Variants in WWOX observed in about 807,000 individuals in gnomAD.
The protein encoded by WWOX is WW domain containing oxidoreductase.
In WWOX, 69 loss-of-function variants were observed where a neutral mutation model predicts 46.2. The ratio of observed to expected loss-of-function variants is 1.49; its 90% CI spans 1.23 to 1.82. WWOX has a LOEUF of 1.82. Ranked by LOEUF, WWOX falls within the 40% of genes most tolerant of loss-of-function variation. The pLI, the probability that WWOX is intolerant of heterozygous loss-of-function variation, is 0.00. For missense variants in WWOX, 919 were observed against 542.6 expected (o/e 1.69, Z -6.89); for synonymous variants, 359 against 202.6 (o/e 1.77, Z -6.56).
At chr16:78,961,257 G>C (rs2046265452) in intron 8 of WWOX, among the ~76,000 whole-genome samples, 1 of 152,178 alleles carries the variant, frequency 6.6e-6, no homozygotes, top group Non-Finnish European at 1.5e-5. Flanking sequence ...TTACTGTAAG[G>C]TTTTTAAAAC....
chr16:79,084,056 A>T (rs951568973), intron 8 of WWOX, among the ~76,000 whole-genome samples: 1 of 152,182 alleles, frequency 6.6e-6, no homozygotes, highest in Admixed American at 6.5e-5. Flanking sequence ...GAACCAGACC[A>T]TCGTGAACTT....
intron 8 of WWOX, among the ~76,000 whole-genome samples, chr16:78,775,996 T>C (rs2050181657): frequency 6.6e-6 from 1 of 152,222 alleles, no homozygotes; most frequent in South Asian, 2.1e-4. Flanking sequence ...CTCATTTATT[T>C]ATTTTTCTCT....
At chr16:78,826,545 C>G (rs1004696675) in intron 8 of WWOX, among the ~76,000 whole-genome samples, 1 of 152,198 alleles carries the variant, frequency 6.6e-6, no homozygotes, top group Non-Finnish European at 1.5e-5. Flanking sequence ...GCCTTCTCCT[C>G]TTCTCCTGTG....
intron 3 of WWOX, among the ~76,000 whole-genome samples, chr16:78,111,002 AG>A (rs1237013430): frequency 1.3e-5 from 2 of 151,704 alleles, no homozygotes; most frequent in African/African-American, 4.9e-5. Context: ...TGATTTGAGC[AG>A]GAATTTTTTT....
chr16:78,753,189 A>C (rs1239044134), intron 8 of WWOX, among the ~76,000 whole-genome samples: 3 of 151,866 alleles, frequency 2.0e-5, no homozygotes, highest in Non-Finnish European at 4.4e-5. Context: ...AATCCCAGCT[A>C]CTCTGGAGGC....
intron 8 of WWOX, among the ~76,000 whole-genome samples, chr16:78,704,680 A>G (rs376772204): frequency 1.3e-4 from 20 of 152,300 alleles, no homozygotes; most frequent in Admixed American, 4.6e-4. Flanking sequence ...TGATTATGAC[A>G]TGTTAAAACT....
intron 5 of WWOX, among the ~76,000 whole-genome samples, chr16:78,174,601 A>T (rs1368754594): frequency 6.6e-6 from 1 of 152,214 alleles, no homozygotes; most frequent in African/African-American, 2.4e-5. Context: ...CATCAGCTGT[A>T]AAGTCTATGT....
chr16:78,855,969 G>A (rs933060288), intron 8 of WWOX, among the ~76,000 whole-genome samples: 20 of 152,210 alleles, frequency 1.3e-4, no homozygotes, highest in Admixed American at 4.6e-4. Context: ...GGAAAAAGTC[G>A]GTGCACGCAC....
intron 8 of WWOX, among the ~76,000 whole-genome samples, chr16:78,556,347 C>G (rs998368840): frequency 5.9e-5 from 9 of 151,798 alleles, no homozygotes; most frequent in Admixed American, 2.0e-4. Context: ...CTGTCAGGAT[C>G]TGGTTCAAGG....
chr16:78,271,239 C>T (rs561300759), intron 5 of WWOX, among the ~76,000 whole-genome samples: 1 of 152,138 alleles, frequency 6.6e-6, no homozygotes, highest in Non-Finnish European at 1.5e-5. Context: ...TTTTCGTCCA[C>T]CTGAGTTTCA....
rs560569676 is a variant in WWOX, at chr16:78,746,356, G to C, written c.1056+313604G>C. Among the ~76,000 whole-genome samples the C allele has an allele frequency of 3.3e-5, 5 of 152,110 alleles. No homozygotes were observed. The South Asian group carries it at 1.0e-3, about 32-fold the overall frequency. On this transcript the variant is annotated intron_variant, in intron 8 of 8. Coordinates refer to ENST00000566780, the MANE Select transcript of WWOX (RefSeq NM_016373.4). The stretch of plus-strand genomic sequence containing the variant: ...GTACAAAAAATTTAAAAATTAGCTG[G>C]GAATGATGGTGCATGCCTGTAGTCT...
chr16:79,091,443 T>C (rs2150601894), intron 8 of WWOX, among the ~76,000 whole-genome samples: 2 of 152,302 alleles, frequency 1.3e-5, no homozygotes, highest in East Asian at 3.9e-4. Flanking sequence ...CCCCACTGGG[T>C]GTTCATTCTA....
intron 8 of WWOX, among the ~76,000 whole-genome samples, chr16:78,705,154 A>G (rs980182717): frequency 2.6e-5 from 4 of 152,174 alleles, no homozygotes; most frequent in Non-Finnish European, 5.9e-5. Context: ...CTTTGATATT[A>G]AAAAGCCAAC....
At chr16:78,335,338 T>C (rs2080864070) in intron 5 of WWOX, among the ~76,000 whole-genome samples, 1 of 152,196 alleles carries the variant, frequency 6.6e-6, no homozygotes, top group Admixed American at 6.5e-5. Context: ...CCATGTGTTC[T>C]CATCATGCAG....
At position 78,941,948 on chromosome 16, in the gene WWOX, G is replaced by A. The variant is rs142735147; in HGVS notation, c.1057-269660G>A. On this transcript the variant is annotated intron_variant, in intron 8 of 8. Transcript: ENST00000566780. ...TATTTTTTACTGTAAACATTGTGCT[G>A]TATTCCGTAGGAAAATGTAGATGAA... is the stretch of plus-strand genomic sequence containing the variant. Among the ~76,000 whole-genome samples the A allele has an allele frequency of 2.0e-5, 3 of 152,210 alleles. No individual in the cohort carries two copies. In the East Asian group the frequency reaches 5.8e-4, roughly 29 times the overall value.
At chr16:78,166,586 G>C (rs1037570751) in intron 5 of WWOX, 1 of 148,804 alleles carries the variant, frequency 6.7e-6, no homozygotes, top group Non-Finnish European at 1.5e-5. Flanking sequence ...TTGAGACTGA[G>C]TTTCACTCTG....
intron 8 of WWOX, chr16:78,780,286 C>T (rs1333152518): frequency 6.6e-6 from 1 of 152,164 alleles, no homozygotes. Context: ...CTTGTCTTCC[C>T]CGACTCAAGA....
At chr16:78,972,325 A>C (rs753966282) in intron 8 of WWOX, among the ~76,000 whole-genome samples, 1 of 152,208 alleles carries the variant, frequency 6.6e-6, no homozygotes, top group Non-Finnish European at 1.5e-5. Context: ...GAAAGGATCC[A>C]GGAGGGCTTT....
rs1190753384 is a variant in WWOX at position 79,211,646 on chromosome 16, C to T, written c.1095C>T (p.Val365=). 3.1e-6 allele frequency: 5 copies of T among 1,614,210 alleles called. No homozygotes were observed. Among genetic ancestry groups the T allele is most frequent in the Admixed American group, 3.3e-5 (2 of 60,032 alleles). ...CCACCACCGTGTACTGTGCTGCTGTCCCAGAACTGGAGGGTCTGGGAGGGA... is the reference window on the plus strand; with the variant it reads ...CCACCACCGTGTACTGTGCTGCTGTTCCAGAACTGGAGGGTCTGGGAGGGA... ...GAATTVYCAA[V]PELEGLGGMY... The change falls in exon 9 of 9, where the codon GTC becomes GTT. Residue 365 remains valine (V), a synonymous_variant. Coordinates refer to ENST00000566780, the MANE Select transcript of WWOX (RefSeq NM_016373.4).
Sources: gnomAD v4.1 joint callset for allele counts (sites outside exome capture counted in the v4.1 genomes callset) on GRCh38, gnomAD v4.1.1 for gene constraint, MANE v1.5 for transcripts, NCBI Gene and HGNC (gene_info 2026-07-23, HGNC 2026-07-21) for gene names.